The following BTBD1 variants were observed in gnomAD, a reference collection of about 807,000 sequenced individuals.
BTBD1 encodes BTB domain containing 1, also known as BTB/POZ domain-containing protein 1.
Under a neutral mutation model 48.0 loss-of-function variants are expected in BTBD1, and 34 were observed. That is an observed-to-expected ratio of 0.71 (90% CI 0.54 to 0.94). The LOEUF (loss-of-function observed/expected upper bound fraction) is 0.94, where lower values mean the gene tolerates loss of function less well. BTBD1 is among the 40% of genes least tolerant of loss of function. BTBD1 has a pLI of 0.00. For missense variants in BTBD1, 543 were observed against 625.6 expected, an observed-to-expected ratio of 0.87 and a Z score of 1.41; for synonymous variants, 261 against 242.1, an observed-to-expected ratio of 1.08 and a Z score of -0.72.
In BTBD1 at chr15:83,018,116, C is replaced by T; in HGVS notation, c.1400G>A (p.Gly467Asp). ...AATTTGTCCATCTTCTATTGAAGTG[C>T]CATTATTATTGCCAGGGGAACTAAA... Reference protein sequence around the residue: ...FFFSSPGNNNGTSIEDGQIPE... With the variant: ...FFFSSPGNNNDTSIEDGQIPE... Residue 467 changes from glycine (G) to aspartate (D), a missense_variant, in exon 8 of 8, where the codon GGC becomes GAC. Around this residue, in one of 3 missense-constraint regions of BTBD1, gnomAD observed 300 missense variants for 350.0 expected, o/e 0.86. Coordinates refer to ENST00000261721, the MANE Select transcript of BTBD1 (RefSeq NM_025238.4). The T allele has an allele frequency of 6.2e-7, 1 of 1,610,220 alleles. No homozygotes were observed. Among genetic ancestry groups the T allele is most frequent in the Non-Finnish European group, 8.5e-7 (1 of 1,177,788 alleles).
intron 3 of BTBD1, among the ~76,000 whole-genome samples, chr15:83,042,359 T>TATATATATGTATATATATATAC (rs1555440268): frequency 8.2e-6 from 1 of 122,074 alleles, no homozygotes; most frequent in African/African-American, 3.2e-5. Context: ...TATATATATA[T>TATATATATGTATATATATATAC]ATATATATAT....
intron 5 of BTBD1, chr15:83,022,182 C>A (rs954846425): frequency 6.6e-6 from 1 of 151,602 alleles, no homozygotes; most frequent in Non-Finnish European, 1.5e-5. Context: ...AGTAGCTGGG[C>A]TGCAGACACA....
At chr15:83,043,275 C>T (rs1009750487) in intron 3 of BTBD1, among the ~76,000 whole-genome samples, 2 of 152,104 alleles carry the variant, frequency 1.3e-5, no homozygotes, top group Non-Finnish European at 2.9e-5. Flanking sequence ...TACAAAGGCT[C>T]TCATATTAAA....
chr15:83,052,696 T>C (rs1167527421), intron 2 of BTBD1, among the ~76,000 whole-genome samples: 1 of 150,764 alleles, frequency 6.6e-6, no homozygotes, highest in Non-Finnish European at 1.5e-5. Context: ...AGTGGCGTGA[T>C]CTCGGCTCAT....
chr15:83,058,248 G>A (rs983722140), intron 1 of BTBD1, among the ~76,000 whole-genome samples: 4 of 152,250 alleles, frequency 2.6e-5, no homozygotes, highest in African/African-American at 7.2e-5. Flanking sequence ...CTGGGCTCCA[G>A]ATTCATCTAC....
intron 6 of BTBD1, among the ~76,000 whole-genome samples, chr15:83,019,744 A>G (rs1446184458): frequency 6.6e-6 from 1 of 150,756 alleles, no homozygotes; most frequent in Non-Finnish European, 1.5e-5. Context: ...ACAGGCATGC[A>G]CCACCATGCC....
intron 2 of BTBD1, among the ~76,000 whole-genome samples, chr15:83,054,139 G>A (rs1271592437): frequency 6.6e-6 from 1 of 152,224 alleles, no homozygotes; most frequent in Non-Finnish European, 1.5e-5. Flanking sequence ...AGGAGTTTGA[G>A]ACCAGCTTGG....
chr15:83,037,060 C>T (rs1414716871), intron 4 of BTBD1, among the ~76,000 whole-genome samples: 1 of 151,948 alleles, frequency 6.6e-6, no homozygotes, highest in African/African-American at 2.4e-5. Context: ...AACCCAAACA[C>T]TGATTCTTAT....
intron 4 of BTBD1, among the ~76,000 whole-genome samples, chr15:83,038,574 A>G (rs1022098687): frequency 6.6e-6 from 1 of 152,210 alleles, no homozygotes; most frequent in Non-Finnish European, 1.5e-5. Context: ...AACAAAAAAA[A>G]AGCCTAAATA....
chr15:83,066,031 C>T (rs1163231847), intron 1 of BTBD1, among the ~76,000 whole-genome samples: 1 of 152,170 alleles, frequency 6.6e-6, no homozygotes, highest in Non-Finnish European at 1.5e-5. Flanking sequence ...GTGGTTCACG[C>T]CTGTAATCCC....
At chr15:83,024,307 T>G (rs2032362806) in intron 5 of BTBD1, 3 of 152,242 alleles carry the variant, frequency 2.0e-5, no homozygotes, top group African/African-American at 7.2e-5. Context: ...TTAATGTAGA[T>G]TCAAAAGATC....
At position 83,050,264 on chromosome 15, in the gene BTBD1, T is replaced by A. The variant is rs534506165; in HGVS notation, c.559-86A>T. The A allele has an allele frequency of 7.2e-6, 5 of 693,750 alleles. No homozygotes were observed. The East Asian group carries it at 1.4e-4, about 20-fold the overall frequency. The allele number at this position is 693,750 out of a possible 1,614,324, so 43.0% of individuals were successfully genotyped here. ...TATTTGAAATTAATATTGTCAACAG[T>A]TATAATTGCTAATTATGTAAAAATA... is the stretch of plus-strand genomic sequence containing the variant. On this transcript the variant is annotated intron_variant, in intron 2 of 7. Coordinates refer to ENST00000261721, the MANE Select transcript of BTBD1 (RefSeq NM_025238.4).
intron 1 of BTBD1, among the ~76,000 whole-genome samples, chr15:83,062,624 C>T (rs929763415): frequency 6.6e-6 from 1 of 152,114 alleles, no homozygotes; most frequent in African/African-American, 2.4e-5. Flanking sequence ...CATTAAATGT[C>T]AGATATTTTC....
intron 2 of BTBD1, among the ~76,000 whole-genome samples, chr15:83,053,803 C>T (rs935751145): frequency 2.6e-5 from 4 of 152,078 alleles, no homozygotes; most frequent in Non-Finnish European, 4.4e-5. Context: ...AATAAGAAAA[C>T]CTTTACTTTG....
chr15:83,039,199 C>T (rs561558316), intron 4 of BTBD1, among the ~76,000 whole-genome samples: 1 of 151,564 alleles, frequency 6.6e-6, no homozygotes, highest in South Asian at 2.1e-4. Flanking sequence ...AAAAAAAACT[C>T]ATAAAAAGTG....
chr15:83,051,907 T>C (rs2032994663), intron 2 of BTBD1, among the ~76,000 whole-genome samples: 5 of 18,822 alleles, frequency 2.7e-4, no homozygotes, highest in Admixed American at 1.0e-3. Context: ...CACACACATC[T>C]ATCTGGGAGG....
At chr15:83,039,907 T>G (rs1596434931) in intron 4 of BTBD1, among the ~76,000 whole-genome samples, 2 of 151,260 alleles carry the variant, frequency 1.3e-5, no homozygotes, top group Admixed American at 6.6e-5. Flanking sequence ...AAAAGACACA[T>G]GCACTCATAT....
At chr15:83,063,503 T>C (rs993806039) in intron 1 of BTBD1, among the ~76,000 whole-genome samples, 23 of 152,186 alleles carry the variant, frequency 1.5e-4, no homozygotes, top group African/African-American at 5.3e-4. Flanking sequence ...GCCTCTTGCC[T>C]GGACTACTGC....
chr15:83,047,474 T>C (rs775492064), intron 3 of BTBD1, among the ~76,000 whole-genome samples: 6 of 152,246 alleles, frequency 3.9e-5, no homozygotes, highest in Non-Finnish European at 8.8e-5. Flanking sequence ...TCTACCTATT[T>C]ACCAAAGATG....
Sources: gnomAD v4.1 joint callset for allele counts (sites outside exome capture counted in the v4.1 genomes callset) on GRCh38, gnomAD v4.1.1 for gene constraint, gnomAD v4.1.1 regional missense constraint, MANE v1.5 for transcripts, NCBI Gene and HGNC (gene_info 2026-07-23, HGNC 2026-07-21) for gene names.